Variants in CYP20A1 observed in about 807,000 individuals in gnomAD.
CYP20A1 encodes the protein cytochrome P450 20A1.
In CYP20A1, 61 loss-of-function variants were observed where a neutral mutation model predicts 61.4. The ratio of observed to expected loss-of-function variants is 0.99; its 90% CI spans 0.81 to 1.23. CYP20A1 has a LOEUF of 1.23. CYP20A1 is among the 50% of genes most tolerant of loss of function. The probability of loss-of-function intolerance (pLI) is 0.00; values close to 1 mark genes in which losing one functional copy is unlikely to be tolerated. For missense variants in CYP20A1, 530 were observed against 542.4 expected, an observed-to-expected ratio of 0.98 and a Z score of 0.23; for synonymous variants, 193 against 188.2, an observed-to-expected ratio of 1.03 and a Z score of -0.21.
intron 5 of CYP20A1, among the ~76,000 whole-genome samples, chr2:203,271,449 G>A (rs1485896584): frequency 6.6e-6 from 1 of 151,966 alleles, no homozygotes; most frequent in African/African-American, 2.4e-5. Context: ...TAAGGATTGA[G>A]GACTTTAAAA....
chr2:203,239,029 C>G lies in CYP20A1; in HGVS notation c.-34C>G. On this transcript the variant is annotated 5_prime_UTR_variant, in exon 1 of 13. Coordinates refer to ENST00000356079, the MANE Select transcript of CYP20A1 (RefSeq NM_177538.3). ...GCTGAGGCGCTGCTGCTGGAGCGGC[C>G]GATCCGAGACGTGGCTCCCTGGGCG... The G allele has an allele frequency of 6.2e-7, 1 of 1,601,134 alleles. No individual in the cohort carries two copies. The highest frequency in any genetic ancestry group is 1.1e-5 in the South Asian group (1 of 90,842).
chr2:203,299,078 T>G lies in CYP20A1; in HGVS notation c.*2170T>G, dbSNP rs926720911. Reference sequence around the variant, plus strand: ...CTTAAGTGTCTTTCAAAATTACACTTTAGCACTTATAAATTTTATATATAA... The same window carrying G: ...CTTAAGTGTCTTTCAAAATTACACTGTAGCACTTATAAATTTTATATATAA... On this transcript the variant is annotated 3_prime_UTR_variant, in exon 13 of 13. Transcript: ENST00000356079. Among the ~76,000 whole-genome samples the G allele has an allele frequency of 5.3e-5, 8 of 152,158 alleles. No homozygotes were observed. Among genetic ancestry groups the G allele is most frequent in the Non-Finnish European group, 1.2e-4 (8 of 68,024 alleles).
intron 10 of CYP20A1, among the ~76,000 whole-genome samples, chr2:203,291,252 A>T (rs1559108215): frequency 6.6e-6 from 1 of 152,000 alleles, no homozygotes; most frequent in African/African-American, 2.4e-5. Context: ...GTCCAGGCTG[A>T]TATGGAACTC....
At chr2:203,296,122 G>C (rs1366824677) in intron 11 of CYP20A1, among the ~76,000 whole-genome samples, 1 of 152,020 alleles carries the variant, frequency 6.6e-6, no homozygotes, top group Non-Finnish European at 1.5e-5. Context: ...AAAGTAGCTG[G>C]GCCTGGTGGC....
intron 5 of CYP20A1, among the ~76,000 whole-genome samples, chr2:203,267,843 CAA>C (rs1250683399): frequency 2.1e-4 from 16 of 77,094 alleles, no homozygotes; most frequent in Admixed American, 4.5e-4. Flanking sequence ...GAGTCCATCT[CAA>C]AAAAAAAAAA....
Position 203,280,050 on chromosome 2 carries a change from G to C in CYP20A1, c.796-9G>C. 6.3e-7 allele frequency: 1 copy of C among 1,595,592 alleles called. No individual in the cohort carries two copies. ...TTTCACACTTTCTAAACTTAGTTTTGTTTCCTAGATCCTAGAAGACAGTAT... is the reference window on the plus strand; with the variant it reads ...TTTCACACTTTCTAAACTTAGTTTTCTTTCCTAGATCCTAGAAGACAGTAT... On this transcript the variant is annotated splice_polypyrimidine_tract_variant and intron_variant, in intron 7 of 12. Coordinates refer to ENST00000356079, the MANE Select transcript of CYP20A1 (RefSeq NM_177538.3).
Position 203,302,902 on chromosome 2 carries a change from A to G in CYP20A1, c.*5994A>G, listed in dbSNP as rs2069077036. 6.6e-6 allele frequency among the ~76,000 whole-genome samples: 1 copy of G among 152,128 alleles called. No homozygotes were observed. Among genetic ancestry groups the G allele is most frequent in the Non-Finnish European group, 1.5e-5 (1 of 68,020 alleles). ...GAGATGGGGTTTTACCGTGTTGGTC[A>G]GGCTGGTCCTGAACTCTTGACCTTG... On this transcript the variant is annotated 3_prime_UTR_variant, in exon 13 of 13. Coordinates refer to ENST00000356079, the MANE Select transcript of CYP20A1 (RefSeq NM_177538.3).
At chr2:203,296,612 G>C (rs774472677) in intron 12 of CYP20A1, 49 bp downstream of exon 12, 1 of 1,481,242 alleles carries the variant, frequency 6.8e-7, no homozygotes, top group East Asian at 2.3e-5. Context: ...GATGATCACT[G>C]TTGATGAGAA....
chr2:203,258,666 GC>G (rs1409201547), intron 4 of CYP20A1, among the ~76,000 whole-genome samples: 4 of 152,158 alleles, frequency 2.6e-5, no homozygotes, highest in Non-Finnish European at 5.9e-5. Flanking sequence ...CTATCAGGAG[GC>G]TTGTGCACCC....
At position 203,252,012 on chromosome 2, in the gene CYP20A1, C is replaced by T; in HGVS notation, c.335C>T (p.Ser112Phe). Residue 112 changes from serine to phenylalanine, a missense_variant, in exon 4 of 13, where the codon TCT becomes TTT. Physicochemically the swap from Ser to Phe is radical, Grantham distance 155 (BLOSUM62 -2). Coordinates refer to ENST00000356079, the MANE Select transcript of CYP20A1 (RefSeq NM_177538.3). ...TMLKSLLRYQSGGGSVSENHM... is the reference protein window; with the variant it reads ...TMLKSLLRYQFGGGSVSENHM... ...CTGAAGTCATTATTAAGGTATCAAT[C>T]TGGTGGTGGCAGTGTGAGTGAAAAC... is the stretch of plus-strand genomic sequence containing the variant. The T allele has an allele frequency of 1.2e-6, 2 of 1,609,396 alleles. No homozygotes were observed. The highest frequency in any genetic ancestry group is 1.7e-6 in the Non-Finnish European group (2 of 1,177,694).
chr2:203,273,351 A>C (rs1174207361), intron 6 of CYP20A1, among the ~76,000 whole-genome samples: 1 of 152,198 alleles, frequency 6.6e-6, no homozygotes, highest in Admixed American at 6.5e-5. Flanking sequence ...CATACTAAGA[A>C]CCATAAATAA....
In CYP20A1 at chr2:203,299,932, T is replaced by C. The variant is rs1162216447; in HGVS notation, c.*3024T>C. 6.6e-6 allele frequency among the ~76,000 whole-genome samples: 1 copy of C among 152,170 alleles called. No individual in the cohort carries two copies. Among genetic ancestry groups the C allele is most frequent in the East Asian group, 1.9e-4 (1 of 5,202 alleles). ...GAAATTTATTATCCCTTCCCACTTA[T>C]TTTCTGTGGTTTTGTGTGTATAGAG... is the stretch of plus-strand genomic sequence containing the variant. On this transcript the variant is annotated 3_prime_UTR_variant, in exon 13 of 13. Transcript: ENST00000356079.
intron 9 of CYP20A1, among the ~76,000 whole-genome samples, chr2:203,289,486 T>C (rs2068439334): frequency 6.6e-6 from 1 of 152,076 alleles, no homozygotes; most frequent in South Asian, 2.1e-4. Flanking sequence ...CTTCTGGTAC[T>C]TTTAAAAGTG....
At position 203,303,893 on chromosome 2, in the gene CYP20A1, A is replaced by C. The variant is rs994766438; in HGVS notation, c.*6985A>C. Among the ~76,000 whole-genome samples the C allele has an allele frequency of 3.3e-5, 5 of 150,590 alleles. No individual in the cohort carries two copies. The highest frequency in any genetic ancestry group is 2.7e-4 in the Admixed American group (4 of 15,046). ...CTGTCTCAAAAAAAAAAAAAAAAAA[A>C]ACTTATTGAGAGAATAATATACCAC... On this transcript the variant is annotated 3_prime_UTR_variant, in exon 13 of 13. Transcript: ENST00000356079.
At chr2:203,283,039 G>A (rs1336077712) in intron 8 of CYP20A1, among the ~76,000 whole-genome samples, 1 of 151,850 alleles carries the variant, frequency 6.6e-6, no homozygotes, top group Non-Finnish European at 1.5e-5. Context: ...AGCTGTGCAT[G>A]GTGGCATGTG....
intron 3 of CYP20A1, among the ~76,000 whole-genome samples, chr2:203,249,637 G>T (rs2066586831): frequency 6.6e-6 from 1 of 152,106 alleles, no homozygotes; most frequent in African/African-American, 2.4e-5. Flanking sequence ...CTGAGGTCAG[G>T]AGTTCGAGAC....
chr2:203,271,328 T>C (rs1250381724), intron 5 of CYP20A1, among the ~76,000 whole-genome samples: 1 of 151,698 alleles, frequency 6.6e-6, no homozygotes, highest in African/African-American at 2.4e-5. Context: ...GATCTCGTGA[T>C]CCGCCTGCCT....
intron 1 of CYP20A1, among the ~76,000 whole-genome samples, chr2:203,244,732 CTTTTT>C (rs35996822): frequency 4.9e-5 from 6 of 123,200 alleles, no homozygotes; most frequent in East Asian, 2.3e-4. Context: ...TGAAATAATT[CTTTTT>C]TTTTTTTTTT....
intron 5 of CYP20A1, among the ~76,000 whole-genome samples, chr2:203,271,875 A>G (rs1283151960): frequency 6.6e-6 from 1 of 152,050 alleles, no homozygotes; most frequent in African/African-American, 2.4e-5. Flanking sequence ...AAAATACAAA[A>G]ATTAGCTGGG....
Sources: gnomAD v4.1 joint callset for allele counts (sites outside exome capture counted in the v4.1 genomes callset) on GRCh38, gnomAD v4.1.1 for gene constraint, MANE v1.5 for transcripts, NCBI Gene and HGNC (gene_info 2026-07-23, HGNC 2026-07-21) for gene names.